SLC29A3: variants seen among roughly 807,000 people sequenced by gnomAD.
SLC29A3 encodes the protein solute carrier family 29 member 3.
Under a neutral mutation model 25.4 loss-of-function variants are expected in SLC29A3, and 18 were observed. The observed-to-expected ratio is 0.71, with a 90% CI of 0.49 to 1.05. SLC29A3 has a LOEUF of 1.05. Among genes scored for constraint, SLC29A3 ranks in the 50% least tolerant of loss-of-function variants. The pLI is 0.00. For synonymous variants in SLC29A3, 258 were observed against 267.1 expected, an observed-to-expected ratio of 0.97 and a Z score of 0.33; for missense variants, 586 against 609.0, an observed-to-expected ratio of 0.96 and a Z score of 0.40.
In SLC29A3 at chr10:71,334,044, C is replaced by T. The variant is rs143370078; in HGVS notation, c.301-10165C>T. Reference sequence around the variant, plus strand: ...AAATGAGGTTTCCATCTTCCTTGCTCACCCTGCCTGGCAGAAAGACTCTGG... The same window carrying T: ...AAATGAGGTTTCCATCTTCCTTGCTTACCCTGCCTGGCAGAAAGACTCTGG... On this transcript the variant is annotated intron_variant, in intron 2 of 5. Transcript: ENST00000373189. 9.5e-4 allele frequency among the ~76,000 whole-genome samples: 144 copies of T among 152,354 alleles called. 1 individual carries two copies. The East Asian group carries it at 0.02, about 21-fold the overall frequency.
chr10:71,363,654 A>G (rs780681), downstream of SLC29A3, among the ~76,000 whole-genome samples: 135,872 of 151,754 alleles, frequency 0.9, 61,327 homozygotes, highest in Middle Eastern at 0.95. Flanking sequence ...AAAATTTTTC[A>G]TAGAGATGGG....
At chr10:71,348,709 C>T (rs747191760) in intron 3 of SLC29A3, among the ~76,000 whole-genome samples, 2 of 152,178 alleles carry the variant, frequency 1.3e-5, no homozygotes, top group Non-Finnish European at 2.9e-5. Context: ...ACCTGGCTGC[C>T]CAACAGCTCC....
At chr10:71,336,574 T>C (rs557113985) in intron 2 of SLC29A3, among the ~76,000 whole-genome samples, 24 of 150,634 alleles carry the variant, frequency 1.6e-4, no homozygotes, top group Admixed American at 1.4e-3. Flanking sequence ...GTTAAAGTAG[T>C]TTTTTTTTCT....
chr10:71,356,187 C>T lies in SLC29A3; in HGVS notation c.717C>T (p.Val239=), dbSNP rs765482832. The part of the protein sequence containing the change: ...SALAFFLTAT[V]FLVLCMGLYL... Reference sequence around the variant, plus strand: ...TGGCCTTCTTCCTGACGGCCACTGTCTTCCTCGTGCTCTGCATGGGACTCT... The same window carrying T: ...TGGCCTTCTTCCTGACGGCCACTGTTTTCCTCGTGCTCTGCATGGGACTCT... Residue 239 remains valine (V), a synonymous_variant, in exon 5 of 6, where the codon GTC becomes GTT. Transcript: ENST00000373189. The T allele has an allele frequency of 1.2e-5, 19 of 1,613,792 alleles. No homozygotes were observed. The highest frequency in any genetic ancestry group is 5.0e-5 in the Admixed American group (3 of 60,000).
downstream of SLC29A3, among the ~76,000 whole-genome samples, chr10:71,368,091 C>T (rs945394219): frequency 6.6e-6 from 1 of 151,964 alleles, no homozygotes; most frequent in African/African-American, 2.4e-5. Context: ...TTAGCCAGGC[C>T]TAGTGGTACA....
At chr10:71,342,294 T>C (rs923945397) in intron 2 of SLC29A3, among the ~76,000 whole-genome samples, 2 of 152,242 alleles carry the variant, frequency 1.3e-5, no homozygotes, top group African/African-American at 4.8e-5. Flanking sequence ...CCTGTCACCA[T>C]GTGCATCTCC....
At chr10:71,325,030 G>A (rs935947495) in intron 2 of SLC29A3, among the ~76,000 whole-genome samples, 6 of 152,176 alleles carry the variant, frequency 3.9e-5, no homozygotes, top group African/African-American at 9.7e-5. Flanking sequence ...GGGCTTCTCC[G>A]ACAAATGCCG....
intron 3 of SLC29A3, among the ~76,000 whole-genome samples, chr10:71,351,101 C>G (rs1846744583): frequency 1.3e-5 from 2 of 152,232 alleles, no homozygotes; most frequent in Non-Finnish European, 2.9e-5. Flanking sequence ...GGAAAGGAAG[C>G]TCAGTGGGTG....
At chr10:71,333,112 CA>C (rs1412244037) in intron 2 of SLC29A3, among the ~76,000 whole-genome samples, 1 of 152,222 alleles carries the variant, frequency 6.6e-6, no homozygotes, top group African/African-American at 2.4e-5. Context: ...ATTGATATCA[CA>C]AGTGTCCAGA....
rs1423333179 is a variant in SLC29A3, at chr10:71,363,367, T to C, written c.*759T>C. 6.6e-6 allele frequency: 3 copies of C among 454,014 alleles called. No individual in the cohort carries two copies. The East Asian group carries it at 2.1e-4, about 31-fold the overall frequency. The allele number at this position is 454,014 out of a possible 1,614,324, so 28.1% of individuals were successfully genotyped here. A position where few individuals can be genotyped will look rare whatever the true frequency, so the allele number is the denominator to read the frequency against. ...CAAAGCCATTGGTTCAAGGGCGTAA[T>C]AAATACTTGCGTATTCAATGTAAGC... On this transcript the variant is annotated 3_prime_UTR_variant, in exon 6 of 6. Transcript: ENST00000373189.
Position 71,362,797 on chromosome 10 carries a change from T to C in SLC29A3, c.*189T>C, listed in dbSNP as rs1264267236. On this transcript the variant is annotated 3_prime_UTR_variant, in exon 6 of 6. Transcript: ENST00000373189. Reference sequence around the variant, plus strand: ...TGCCCATTCCGTGCAAGGCAGATATTCCAGTCATATTAACAGAACACTCCT... The same window carrying C: ...TGCCCATTCCGTGCAAGGCAGATATCCCAGTCATATTAACAGAACACTCCT... 2.7e-6 allele frequency: 2 copies of C among 738,832 alleles called. No homozygotes were observed. The highest frequency in any genetic ancestry group is 5.3e-5 in the East Asian group (2 of 37,398). The allele number at this position is 738,832 out of a possible 1,614,324, so 45.8% of individuals were successfully genotyped here.
intron 3 of SLC29A3, among the ~76,000 whole-genome samples, chr10:71,347,740 G>T (rs1846630049): frequency 6.6e-6 from 1 of 152,196 alleles, no homozygotes; most frequent in African/African-American, 2.4e-5. Flanking sequence ...GGGGACAGAG[G>T]AGGGGACAGA....
chr10:71,374,993 T>C (rs1428265095), intron 3 of SLC29A3, among the ~76,000 whole-genome samples: 1 of 152,206 alleles, frequency 6.6e-6, no homozygotes, highest in Non-Finnish European at 1.5e-5. Context: ...TATCAAATCC[T>C]GCTGAACAGC....
chr10:71,376,762 TTTTTGTTTTG>T (rs752491455), intron 4 of SLC29A3, among the ~76,000 whole-genome samples: 1 of 152,146 alleles, frequency 6.6e-6, no homozygotes, highest in Non-Finnish European at 1.5e-5. Flanking sequence ...TTTCTGTGTT[TTTTTGTTTTG>T]TTTTGTTTTG....
At chr10:71,347,089 G>C (rs1846609247) in intron 3 of SLC29A3, among the ~76,000 whole-genome samples, 1 of 152,194 alleles carries the variant, frequency 6.6e-6, no homozygotes, top group Admixed American at 6.5e-5. Context: ...TCTGTTTCCA[G>C]GCTGTGGGAA....
chr10:71,327,208 A>T (rs866347560), intron 2 of SLC29A3, among the ~76,000 whole-genome samples: 10 of 152,234 alleles, frequency 6.6e-5, no homozygotes, highest in African/African-American at 2.4e-4. Flanking sequence ...GTTTACCCAG[A>T]CACCCTCTCC....
intron 2 of SLC29A3, among the ~76,000 whole-genome samples, chr10:71,329,859 A>G (rs1299967994): frequency 6.6e-6 from 1 of 152,238 alleles, no homozygotes; most frequent in Non-Finnish European, 1.5e-5. Context: ...GACTTAGGTG[A>G]GCCTTCTGGG....
intron 3 of SLC29A3, among the ~76,000 whole-genome samples, chr10:71,369,063 G>T (rs1356937526): frequency 6.6e-6 from 1 of 152,186 alleles, no homozygotes; most frequent in Non-Finnish European, 1.5e-5. Context: ...TCATGAATGT[G>T]ATTAGTAACC....
chr10:71,338,845 C>T (rs566163047), intron 2 of SLC29A3, among the ~76,000 whole-genome samples: 8 of 152,364 alleles, frequency 5.3e-5, no homozygotes, highest in Non-Finnish European at 1.2e-4. Context: ...AAAGACACTG[C>T]CCTCCCTGAG....
Sources: gnomAD v4.1 joint callset for allele counts (sites outside exome capture counted in the v4.1 genomes callset) on GRCh38, gnomAD v4.1.1 for gene constraint, MANE v1.5 for transcripts, NCBI Gene and HGNC (gene_info 2026-07-23, HGNC 2026-07-21) for gene names.